CPS1: variants seen among roughly 807,000 people sequenced by gnomAD.
CPS1 encodes the protein carbamoyl-phosphate synthase [ammonia], mitochondrial.
CPS1 carries 109 observed loss-of-function variants against 174.6 expected under a neutral mutation model. That is an observed-to-expected ratio of 0.62 (90% CI 0.53 to 0.73). The LOEUF (loss-of-function observed/expected upper bound fraction) is 0.73. Among genes scored for constraint, CPS1 ranks in the 30% least tolerant of loss-of-function variants. The probability of loss-of-function intolerance (pLI) is 0.00; values close to 1 mark genes in which losing one functional copy is unlikely to be tolerated. For synonymous variants in CPS1, 637 were observed against 632.0 expected (o/e 1.01, Z -0.12); for missense variants, 1,689 against 1,821.9 (o/e 0.93, Z 1.33).
chr2:210,552,213 C>A (rs1696750457), upstream of CPS1, among the ~76,000 whole-genome samples: 2 of 151,906 alleles, frequency 1.3e-5, no homozygotes, highest in African/African-American at 4.8e-5. Context: ...AATTTGTTTG[C>A]TCTCCAGTCA....
intron 1 of CPS1, among the ~76,000 whole-genome samples, chr2:210,559,225 T>A (rs1697019844): frequency 6.6e-6 from 1 of 152,094 alleles, no homozygotes; most frequent in Non-Finnish European, 1.5e-5. Flanking sequence ...GAACAGTCAC[T>A]TTAAAGGTTA....
At chr2:210,516,119 A>G (rs918978397) in intron 1 of CPS1, among the ~76,000 whole-genome samples, 1 of 151,814 alleles carries the variant, frequency 6.6e-6, no homozygotes, top group Non-Finnish European at 1.5e-5. Context: ...ATGGCTGAGC[A>G]TGTGGTTGAC....
intron 1 of CPS1, among the ~76,000 whole-genome samples, chr2:210,497,426 A>G (rs1453975901): frequency 6.6e-6 from 1 of 151,992 alleles, no homozygotes; most frequent in East Asian, 1.9e-4. Flanking sequence ...ATTTGGGGGT[A>G]ATGAGCAGGT....
At chr2:210,572,908 A>G (rs1357585857) in intron 1 of CPS1, among the ~76,000 whole-genome samples, 2 of 152,012 alleles carry the variant, frequency 1.3e-5, no homozygotes, top group Non-Finnish European at 2.9e-5. Context: ...ACAATTCACA[A>G]TGTTTTTGCA....
chr2:210,594,149 T>G (rs571608911), intron 11 of CPS1, among the ~76,000 whole-genome samples: 1 of 152,012 alleles, frequency 6.6e-6, no homozygotes, highest in South Asian at 2.1e-4. Context: ...TATTTCTAAT[T>G]TTCTATATCA....
intron 1 of CPS1, among the ~76,000 whole-genome samples, chr2:210,491,307 GTTTTTTTTTTTTTTTTTTTTTT>G (rs66825517): frequency 2.0e-5 from 1 of 50,342 alleles, no homozygotes; most frequent in African/African-American, 1.0e-4. Flanking sequence ...TGGTATCTGT[GTTTTTTTTTTTTTTTTTTTTTT>G]TTTTTTTTTG....
At chr2:210,491,184 T>C (rs1694864559) in intron 1 of CPS1, among the ~76,000 whole-genome samples, 1 of 152,152 alleles carries the variant, frequency 6.6e-6, no homozygotes, top group Non-Finnish European at 1.5e-5. Context: ...CTATAAGAGT[T>C]TCATTTTTGT....
Position 210,642,513 on chromosome 2 carries a change from G to A in CPS1, c.2989G>A (p.Val997Ile). 1 of 1,613,940 alleles carries A rather than the reference G, an allele frequency of 6.2e-7. No individual in the cohort carries two copies. The highest frequency in any genetic ancestry group is 8.5e-7 in the Non-Finnish European group (1 of 1,179,860). The change falls in exon 25 of 38, where the codon GTC becomes ATC. Residue 997 changes from valine to isoleucine, a missense_variant. Transcript: ENST00000233072. Reference sequence around the variant, plus strand: ...CAGTGTGGAATTTGATTGGTGTGCTGTCTCTAGTATCCGCACACTGCGTCA... The same window carrying A: ...CAGTGTGGAATTTGATTGGTGTGCTATCTCTAGTATCCGCACACTGCGTCA... ...GSSVEFDWCA[V>I]SSIRTLRQLG...
rs1700129715 is a variant in CPS1 at position 210,639,149 on chromosome 2, G to A, written c.2830-1G>A. On this transcript the variant is annotated splice_acceptor_variant, in intron 22 of 37. Coordinates refer to ENST00000233072, the MANE Select transcript of CPS1 (RefSeq NM_001875.5). LOFTEE classifies it high-confidence loss of function. ...TTTATTTTATTTGTTTTCTCTTACAGATTGATACACTGGCTGCAGAATACC... is the reference window on the plus strand; with the variant it reads ...TTTATTTTATTTGTTTTCTCTTACAAATTGATACACTGGCTGCAGAATACC... 2 of 1,610,036 alleles carry A rather than the reference G, an allele frequency of 1.2e-6. No homozygotes were observed. The highest frequency in any genetic ancestry group is 1.7e-6 in the Non-Finnish European group (2 of 1,176,604).
chr2:210,674,705 G>A (rs1432255715), intron 34 of CPS1, 197 bp from the exon 35 acceptor site: 1 of 607,886 alleles, frequency 1.6e-6, no homozygotes. Context: ...TATGTGGATG[G>A]AATTTCATTG....
At chr2:210,598,475 T>C (rs1175517427) in intron 13 of CPS1, among the ~76,000 whole-genome samples, 1 of 151,624 alleles carries the variant, frequency 6.6e-6, no homozygotes, top group Non-Finnish European at 1.5e-5. Context: ...CCATCTCACA[T>C]GTAGTGACAC....
In CPS1 at chr2:210,668,193, G is replaced by C. The variant is rs974267200; in HGVS notation, c.4010G>C (p.Cys1337Ser). 1 of 1,612,626 alleles carries C rather than the reference G, an allele frequency of 6.2e-7. No individual in the cohort carries two copies. The highest frequency in any genetic ancestry group is 8.5e-7 in the Non-Finnish European group (1 of 1,179,112). Residue 1337 changes from cysteine to serine, a missense_variant, in exon 34 of 38, where the codon TGC (cysteine) becomes TCC (serine). Physicochemically the swap from Cys to Ser is moderately radical, Grantham distance 112. Coordinates refer to ENST00000233072, the MANE Select transcript of CPS1 (RefSeq NM_001875.5). The part of the protein sequence containing the change: ...CEMASTGEVA[C>S]FGEGIHTAFL... ...TTATTTATTTCTAAACAGGTGGCTT[G>C]CTTTGGTGAAGGTATTCATACAGCC...
chr2:210,655,715 GC>G (rs1435929262), intron 29 of CPS1, among the ~76,000 whole-genome samples: 1 of 152,146 alleles, frequency 6.6e-6, no homozygotes, highest in Non-Finnish European at 1.5e-5. Context: ...AAAGCACTTT[GC>G]CCAGGTCACA....
intron 1 of CPS1, among the ~76,000 whole-genome samples, chr2:210,498,771 A>G (rs761409587): frequency 2.6e-5 from 4 of 152,158 alleles, no homozygotes; most frequent in Non-Finnish European, 2.9e-5. Context: ...GGTGCTCTAG[A>G]TGCTTGGAGA....
intron 34 of CPS1, among the ~76,000 whole-genome samples, chr2:210,669,797 A>G (rs547310471): frequency 6.6e-6 from 1 of 152,168 alleles, no homozygotes; most frequent in Non-Finnish European, 1.5e-5. Context: ...ACTTCCAGTT[A>G]TGGCTTAAAG....
intron 1 of CPS1, among the ~76,000 whole-genome samples, chr2:210,536,334 T>G: frequency 6.7e-6 from 1 of 150,264 alleles, no homozygotes; most frequent in African/African-American, 2.5e-5. Flanking sequence ...TTTTTTTTTT[T>G]TTTTGAGATG....
intron 1 of CPS1, among the ~76,000 whole-genome samples, chr2:210,498,548 C>G (rs1351738728): frequency 2.6e-5 from 4 of 152,024 alleles, no homozygotes; most frequent in Non-Finnish European, 5.9e-5. Flanking sequence ...GTTCCAGGAG[C>G]CTTTTGGTGG....
intron 1 of CPS1, among the ~76,000 whole-genome samples, chr2:210,488,624 G>A (rs565484084): frequency 2.6e-5 from 4 of 152,260 alleles, no homozygotes; most frequent in East Asian, 1.9e-4. Context: ...GATTAAGGGC[G>A]CACATTGTGA....
intron 32 of CPS1, 140 bp downstream of exon 32, chr2:210,660,795 G>A: frequency 1.1e-6 from 1 of 871,192 alleles, no homozygotes; most frequent in South Asian, 1.6e-5. Context: ...TTTCAATAAT[G>A]TACTGCAGTT....
Sources: allele counts gnomAD v4.1 joint callset (sites outside exome capture counted in the v4.1 genomes callset), GRCh38; gene constraint gnomAD v4.1.1; transcripts MANE v1.5; gene names NCBI Gene and HGNC (gene_info 2026-07-23, HGNC 2026-07-21).